ADAMTS13: variants seen among roughly 807,000 people sequenced by gnomAD.
ADAMTS13 encodes A disintegrin and metalloproteinase with thrombospondin motifs 13.
ADAMTS13 carries 110 observed loss-of-function variants against 155.1 expected under a neutral mutation model. That is an observed-to-expected ratio of 0.71 (90% CI 0.61 to 0.83). ADAMTS13 has a LOEUF of 0.83. Among genes scored for constraint, ADAMTS13 ranks in the 40% least tolerant of loss-of-function variants. The probability of loss-of-function intolerance (pLI) is 0.00; values close to 1 mark genes in which losing one functional copy is unlikely to be tolerated. For synonymous variants in ADAMTS13, 758 were observed against 756.4 expected (o/e 1.00, Z -0.03); for missense variants, 1,707 against 1,891.7 (o/e 0.90, Z 1.81).
At chr9:133,422,274 C>T (rs112367941), upstream of ADAMTS13, 298 of 660,394 alleles carry the variant, frequency 4.5e-4, 2 homozygotes, top group African/African-American at 4.8e-3. Context: ...AGCTGCAGGC[C>T]GCCCACCCTA....
At chr9:133,436,101 G>A (rs1382962484) in intron 11 of ADAMTS13, among the ~76,000 whole-genome samples, 2 of 150,242 alleles carry the variant, frequency 1.3e-5, no homozygotes, top group African/African-American at 4.9e-5. Flanking sequence ...ACACGCGTGA[G>A]CCATGGCGCC....
chr9:133,456,899 C>T lies in ADAMTS13; in HGVS notation c.3724+180C>T. On this transcript the variant is annotated intron_variant, in intron 27 of 28. Transcript: ENST00000355699. This position sits in a 1 kb window ranked among gnomAD's most constrained non-coding sequence, Gnocchi z 4.4. The stretch of plus-strand genomic sequence containing the variant: ...GTCTGCACGTGCCAGGGAGGGGTCA[C>T]AGGATGAATGCTATATCCCTCCTTT... 2 of 781,420 alleles carry T rather than the reference C, an allele frequency of 2.6e-6. No individual in the cohort carries two copies. The highest frequency in any genetic ancestry group is 4.4e-6 in the Non-Finnish European group (2 of 458,250). 48.4% of individuals were successfully genotyped at this position (781,420 alleles called of 1,614,324 possible).
At position 133,445,853 on chromosome 9, in the gene ADAMTS13, A is replaced by G. The variant is rs1218025053; in HGVS notation, c.2731+34A>G. 6.5e-7 allele frequency: 1 copy of G among 1,532,358 alleles called. No homozygotes were observed. Among genetic ancestry groups the G allele is most frequent in the Non-Finnish European group, 8.8e-7 (1 of 1,137,636 alleles). The allele number at this position is 1,532,358 out of a possible 1,614,324, so 94.9% of individuals were successfully genotyped here. A position where few individuals can be genotyped will look rare whatever the true frequency, so the allele number is the denominator to read the frequency against. On this transcript the variant is annotated intron_variant, in intron 21 of 28. Coordinates refer to ENST00000355699, the MANE Select transcript of ADAMTS13 (RefSeq NM_139027.6). The surrounding 1 kb of genome is among the most constrained non-coding windows in gnomAD (Gnocchi z 5.0). Reference sequence around the variant, plus strand: ...CCCCGGGATGCTCCTGGGGACCAGCACTCATGGTAACTCTCCTGTCCACTT... The same window carrying G: ...CCCCGGGATGCTCCTGGGGACCAGCGCTCATGGTAACTCTCCTGTCCACTT...
In ADAMTS13 at chr9:133,444,959, G is replaced by C; in HGVS notation, c.2517G>C (p.Glu839Asp). ...GTGTGCCAGGGGCAGATGGCCTGGA[G>C]GCTCCAGTGACTGAGGGGCCTGGCT... The part of the protein sequence containing the change: ...ETCVPGADGL[E>D]APVTEGPGSV... Residue 839 changes from glutamate to aspartate, a missense_variant, in exon 20 of 29, where the codon GAG (glutamate) becomes GAC (aspartate). Glu to Asp is a conservative substitution (Grantham distance 45). This residue lies in a region of ADAMTS13 where 961 missense variants were observed against 1,107.9 expected (regional missense o/e 0.87). Transcript: ENST00000355699. 6.2e-7 allele frequency: 1 copy of C among 1,613,536 alleles called. No individual in the cohort carries two copies. Among genetic ancestry groups the C allele is most frequent in the Admixed American group, 1.7e-5 (1 of 60,026 alleles).
chr9:133,440,243 G>T lies in ADAMTS13; in HGVS notation c.1787-101G>T. The T allele has an allele frequency of 6.7e-7, 1 of 1,485,106 alleles. No individual in the cohort carries two copies. Among genetic ancestry groups the T allele is most frequent in the South Asian group, 1.1e-5 (1 of 87,790 alleles). The allele number at this position is 1,485,106 out of a possible 1,614,324, so 92.0% of individuals were successfully genotyped here. ...TAGCTCAGATGCCTGTGGCTCCTTA[G>T]AGGAGGGCTGGGGACCCCGGGAAGG... On this transcript the variant is annotated intron_variant, in intron 15 of 28. Transcript: ENST00000355699. The surrounding 1 kb of genome is among the most constrained non-coding windows in gnomAD (Gnocchi z 4.3).
intron 7 of ADAMTS13, 150 bp downstream of exon 7, chr9:133,428,921 G>T: frequency 1.3e-6 from 1 of 780,168 alleles, no homozygotes; most frequent in Non-Finnish European, 1.5e-6. Context: ...GTCCAACCCC[G>T]CGCCCACCGC....
intron 25 of ADAMTS13, chr9:133,455,850 C>A: frequency 1.3e-6 from 1 of 762,648 alleles, no homozygotes; most frequent in South Asian, 1.7e-5. Context: ...TCTGCATGTG[C>A]CCCCTCTTGC....
chr9:133,433,236 G>C, intron 9 of ADAMTS13, 142 bp from the exon 10 acceptor site: 1 of 1,130,630 alleles, frequency 8.8e-7, no homozygotes, highest in Non-Finnish European at 1.3e-6. Flanking sequence ...TGAGTTCCTT[G>C]TGTGTGTTTG....
Position 133,422,565 on chromosome 9 carries a change from G to A in ADAMTS13, c.105+17G>A. ...TTCCAGCAGGTGGGCTCATTTGCAG[G>A]AGCGGGGGTATTCTGGGAGCCTCTG... On this transcript the variant is annotated intron_variant, in intron 1 of 28. Transcript: ENST00000355699. 1 of 1,613,608 alleles carries A rather than the reference G, an allele frequency of 6.2e-7. No homozygotes were observed. The highest frequency in any genetic ancestry group is 8.5e-7 in the Non-Finnish European group (1 of 1,179,660).
intron 14 of ADAMTS13, among the ~76,000 whole-genome samples, chr9:133,438,787 G>A (rs587635189): frequency 7.3e-4 from 111 of 151,946 alleles, no homozygotes; most frequent in African/African-American, 2.1e-3. Flanking sequence ...GATGGCGGGC[G>A]CCTGTAGTCC....
At position 133,456,254 on chromosome 9, in the gene ADAMTS13, G is replaced by A. The variant is rs782469315; in HGVS notation, c.3547+39G>A. 1 of 1,612,652 alleles carries A rather than the reference G, an allele frequency of 6.2e-7. No individual in the cohort carries two copies. Among genetic ancestry groups the A allele is most frequent in the African/African-American group, 1.3e-5 (1 of 74,944 alleles). On this transcript the variant is annotated intron_variant, in intron 26 of 28. Coordinates refer to ENST00000355699, the MANE Select transcript of ADAMTS13 (RefSeq NM_139027.6). This position sits in a 1 kb window ranked among gnomAD's most constrained non-coding sequence, Gnocchi z 4.4. ...CATGCAAGCGATGCTGCCAGTTATG[G>A]GCCCTGCCAGGAGCCAGCACGACGC... is the stretch of plus-strand genomic sequence containing the variant.
At chr9:133,457,357 C>T (rs141090405) in intron 27 of ADAMTS13, among the ~76,000 whole-genome samples, 3 of 152,324 alleles carry the variant, frequency 2.0e-5, no homozygotes, top group East Asian at 1.9e-4. Context: ...AGACCTAGTG[C>T]GCCGCCTCCT....
At chr9:133,443,863 G>A (rs1044231638) in intron 19 of ADAMTS13, among the ~76,000 whole-genome samples, 1 of 152,118 alleles carries the variant, frequency 6.6e-6, no homozygotes, top group Non-Finnish European at 1.5e-5. Context: ...AACGGAGTGG[G>A]AGATGTCACT....
chr9:133,455,185 G>C, intron 24 of ADAMTS13, 100 bp from the exon 25 acceptor site: 1 of 1,348,516 alleles, frequency 7.4e-7, no homozygotes, highest in Non-Finnish European at 1.0e-6. Context: ...CTCCCAGCTT[G>C]TACAAGGATT....
rs587613923 is a variant in ADAMTS13, at chr9:133,436,883, G to A, written c.1363G>A (p.Gly455Ser). The change falls in exon 12 of 29, where the codon GGC becomes AGC. Residue 455 changes from glycine to serine, a missense_variant. By Grantham distance (56) the Gly-to-Ser change is moderately conservative (BLOSUM62 0). This residue lies in a region of ADAMTS13 where 733 missense variants were observed against 749.6 expected (regional missense o/e 0.98). Transcript: ENST00000355699. ...FMSQQCARTD[G>S]QPLRSSPGGA... ...GTCGCAACAGTGCGCCAGGACCGAC[G>A]GCCAGCCGCTGCGCTCCTCCCCTGG... The A allele has an allele frequency of 1.3e-5, 21 of 1,586,974 alleles. No individual in the cohort carries two copies. Among genetic ancestry groups the A allele is most frequent in the Middle Eastern group, 1.7e-4 (1 of 6,020 alleles).
chr9:133,454,474 G>A lies in ADAMTS13; in HGVS notation c.3104G>A (p.Arg1035His), dbSNP rs782016923. 3.7e-6 allele frequency: 6 copies of A among 1,613,278 alleles called. No individual in the cohort carries two copies. The East Asian group carries it at 6.7e-5, about 18-fold the overall frequency. Residue 1035 changes from arginine (R) to histidine (H), a missense_variant, in exon 24 of 29, where the codon CGC becomes CAC. Coordinates refer to ENST00000355699, the MANE Select transcript of ADAMTS13 (RefSeq NM_139027.6). ...SASCGLGTAR[R>H]SVACVQLDQG... is the part of the protein sequence containing the mutation. ...AGCTGTGGCCTTGGCACTGCTAGACGCTCGGTGGCCTGTGTGCAGCTCGAC... is the reference window on the plus strand; with the variant it reads ...AGCTGTGGCCTTGGCACTGCTAGACACTCGGTGGCCTGTGTGCAGCTCGAC...
Position 133,416,154 on chromosome 9 carries a change from T to C in ADAMTS13, n.287+1510T>C, listed in dbSNP as rs190199116. Among the ~76,000 whole-genome samples, 23 of 152,220 alleles carry C rather than the reference T, an allele frequency of 1.5e-4. No individual in the cohort carries two copies. The East Asian group carries it at 4.4e-3, about 29-fold the overall frequency. On this transcript the variant is annotated intron_variant and non_coding_transcript_variant, in intron 1 of 17. Coordinates refer to the ADAMTS13 transcript ENST00000485925. ...CCGAAGGAAGCTTCCCATCATGGTG[T>C]AAGGTGAAGGGGGAGCAGGTGTGTT...
At position 133,428,751 on chromosome 9, in the gene ADAMTS13, G is replaced by A; in HGVS notation, c.804G>A (p.Arg268=). 7.4e-7 allele frequency: 1 copy of A among 1,354,700 alleles called. No homozygotes were observed. Among genetic ancestry groups the A allele is most frequent in the Admixed American group, 2.8e-5 (1 of 35,728 alleles). The allele number at this position is 1,354,700 out of a possible 1,614,324, so 83.9% of individuals were successfully genotyped here. ...AGLAWSPCSR[R]QLLSLLSAGR... ...TCGCCTGGTCCCCCTGCAGCCGCCG[G>A]CAGCTGCTGAGCCTGCTCAGGTAGC... Residue 268 remains arginine (R), a synonymous_variant, in exon 7 of 29, where the codon CGG becomes CGA. Coordinates refer to ENST00000355699, the MANE Select transcript of ADAMTS13 (RefSeq NM_139027.6).
At chr9:133,433,598 G>A (rs1554788181) in intron 10 of ADAMTS13, 43 bp from the exon 11 acceptor site, 1 of 1,613,852 alleles carries the variant, frequency 6.2e-7, no homozygotes, top group Non-Finnish European at 8.5e-7. Flanking sequence ...GAAGGCAGTG[G>A]TCACCCTGCT....
Sources: allele counts gnomAD v4.1 joint callset (sites outside exome capture counted in the v4.1 genomes callset), GRCh38; gene constraint gnomAD v4.1.1; regional missense constraint gnomAD v4.1.1; non-coding constraint Gnocchi (gnomAD v3.1); transcripts MANE v1.5; gene names NCBI Gene and HGNC (gene_info 2026-07-23, HGNC 2026-07-21).